Variants in KIAA0232 observed in about 807,000 individuals in gnomAD.
The protein encoded by KIAA0232 is uncharacterized protein KIAA0232.
Under a neutral mutation model 122.0 loss-of-function variants are expected in KIAA0232, and 27 were observed. That is an observed-to-expected ratio of 0.22 (90% confidence interval 0.16 to 0.31). The LOEUF is 0.31. Among genes scored for constraint, KIAA0232 ranks in the 10% least tolerant of loss-of-function variants. The probability of loss-of-function intolerance (pLI) is 1.00; values close to 1 mark genes in which losing one functional copy is unlikely to be tolerated. For missense variants in KIAA0232, 1,551 were observed against 1,634.2 expected, an observed-to-expected ratio of 0.95 and a Z score of 0.88; for synonymous variants, 613 against 587.6, an observed-to-expected ratio of 1.04 and a Z score of -0.63.
chr4:6,856,382 T>A (rs573589970), intron 4 of KIAA0232, among the ~76,000 whole-genome samples: 6 of 152,042 alleles, frequency 3.9e-5, no homozygotes, highest in East Asian at 1.9e-4. Flanking sequence ...TGTAAAAAAA[T>A]TTTTTTTTCT....
chr4:6,801,262 A>G (rs1423334192), intron 1 of KIAA0232, among the ~76,000 whole-genome samples: 2 of 152,214 alleles, frequency 1.3e-5, no homozygotes, highest in African/African-American at 2.4e-5. Context: ...ATTTAATTTT[A>G]ATTAATTAAA....
At chr4:6,833,413 T>C (rs1299400218) in intron 3 of KIAA0232, among the ~76,000 whole-genome samples, 1 of 152,018 alleles carries the variant, frequency 6.6e-6, no homozygotes, top group Non-Finnish European at 1.5e-5. Context: ...TGCTATTACT[T>C]GAGCCCAGGA....
chr4:6,830,730 A>G (rs2109065691), intron 3 of KIAA0232, among the ~76,000 whole-genome samples: 1 of 151,228 alleles, frequency 6.6e-6, no homozygotes, highest in South Asian at 2.1e-4. Context: ...CTCAAGCTTC[A>G]CCCCTACCCT....
chr4:6,830,842 C>A (rs1022199147), intron 3 of KIAA0232, among the ~76,000 whole-genome samples: 3 of 151,988 alleles, frequency 2.0e-5, no homozygotes, highest in Admixed American at 1.3e-4. Context: ...TGGAACTGTT[C>A]CTGACCTGAT....
In KIAA0232 at chr4:6,862,691, A is replaced by G; in HGVS notation, c.2309A>G (p.Asn770Ser). 1.2e-6 allele frequency: 2 copies of G among 1,610,958 alleles called. No individual in the cohort carries two copies. Among genetic ancestry groups the G allele is most frequent in the Non-Finnish European group, 8.5e-7 (1 of 1,179,198 alleles). Residue 770 changes from asparagine (N) to serine (S), a missense_variant, in exon 7 of 10, where the codon AAC becomes AGC. Transcript: ENST00000307659. Reference sequence around the variant, plus strand: ...TTGCAAGATGAAACTTGCCAGCAAAACAGTAGAACTTTAGGTGAGATTCCT... The same window carrying G: ...TTGCAAGATGAAACTTGCCAGCAAAGCAGTAGAACTTTAGGTGAGATTCCT... Reference protein sequence around the residue: ...DFLQDETCQQNSRTLGEIPTL... With the variant: ...DFLQDETCQQSSRTLGEIPTL...
intron 9 of KIAA0232, among the ~76,000 whole-genome samples, chr4:6,877,344 C>T (rs1275903504): frequency 6.6e-6 from 1 of 152,226 alleles, no homozygotes; most frequent in African/African-American, 2.4e-5. Context: ...GGGGCCTCCG[C>T]CTGGTTTAGT....
At chr4:6,853,027 T>A (rs1720377153) in intron 4 of KIAA0232, among the ~76,000 whole-genome samples, 1 of 152,176 alleles carries the variant, frequency 6.6e-6, no homozygotes, top group South Asian at 2.1e-4. Flanking sequence ...CTGGAGAGAT[T>A]AAGTAGACAG....
chr4:6,787,371 G>T (rs1389349297), intron 1 of KIAA0232, among the ~76,000 whole-genome samples: 1 of 152,124 alleles, frequency 6.6e-6, no homozygotes, highest in African/African-American at 2.4e-5. Flanking sequence ...TCTTGGCCGT[G>T]AACAAGTTTG....
intron 9 of KIAA0232, among the ~76,000 whole-genome samples, chr4:6,877,606 T>C (rs1449699654): frequency 6.6e-6 from 1 of 152,032 alleles, no homozygotes; most frequent in African/African-American, 2.4e-5. Flanking sequence ...ACTGAAGAAC[T>C]TGGAGTCCGA....
rs1720938573 is a variant in KIAA0232 at position 6,862,637 on chromosome 4, A to T, written c.2255A>T (p.Asn752Ile). 1 of 1,613,370 alleles carries T rather than the reference A, an allele frequency of 6.2e-7. No homozygotes were observed. ...INYVVPRVSS[N>I]YVDEELLDFL... ...TATGTAGTTCCTAGAGTCTCGTCAA[A>T]TTATGTAGATGAAGAACTTCTAGAT... The change falls in exon 7 of 10, where the codon AAT (asparagine) becomes ATT (isoleucine). Residue 752 changes from asparagine (N) to isoleucine (I), a missense_variant. Physicochemically the swap from Asn to Ile is moderately radical, Grantham distance 149 (BLOSUM62 -3). Transcript: ENST00000307659.
intron 1 of KIAA0232, among the ~76,000 whole-genome samples, chr4:6,802,968 GGCAACATACTGGGCATACTTGA>G (rs1257596900): frequency 2.0e-5 from 3 of 147,842 alleles, no homozygotes; most frequent in African/African-American, 5.0e-5. Context: ...GACCAGCCTA[GGCAACATACTGGGCATACTTGA>G]GCAACATACT....
chr4:6,879,047 C>T (rs1388635976), intron 9 of KIAA0232, among the ~76,000 whole-genome samples: 1 of 152,160 alleles, frequency 6.6e-6, no homozygotes, highest in Non-Finnish European at 1.5e-5. Flanking sequence ...CTGACCGTTC[C>T]CCGCTGTCAG....
Position 6,842,061 on chromosome 4 carries a change from T to C in KIAA0232, c.232-6T>C. On this transcript the variant is annotated splice_region_variant and splice_polypyrimidine_tract_variant and intron_variant, in intron 3 of 9. Transcript: ENST00000307659. ...GGTCATTTAACCTGGTGCAATTTCA[T>C]TGCAGGAGAATGACATCTTCCTGGG... 1 of 1,613,322 alleles carries C rather than the reference T, an allele frequency of 6.2e-7. No individual in the cohort carries two copies.
At chr4:6,784,636 C>G (rs755775567) in intron 1 of KIAA0232, among the ~76,000 whole-genome samples, 4 of 152,280 alleles carry the variant, frequency 2.6e-5, no homozygotes, top group Non-Finnish European at 4.4e-5. Flanking sequence ...AACTCAGATT[C>G]AATTGCTGTA....
rs1718562726 is a variant in KIAA0232, at chr4:6,824,237, A to C, written c.-217A>C. On this transcript the variant is annotated 5_prime_UTR_variant, in exon 3 of 10. Coordinates refer to ENST00000307659, the MANE Select transcript of KIAA0232 (RefSeq NM_014743.3). ...CAATGTGAAATTAAAGTAGAAAATC[A>C]CATCTACATGCATGTTGCTATCAGG... is the stretch of plus-strand genomic sequence containing the variant. 1 of 561,052 alleles carries C rather than the reference A, an allele frequency of 1.8e-6. No individual in the cohort carries two copies. Among genetic ancestry groups the C allele is most frequent in the African/African-American group, 1.9e-5 (1 of 53,542 alleles). 34.8% of individuals were successfully genotyped at this position (561,052 alleles called of 1,614,324 possible).
At chr4:6,795,013 G>T (rs998993296) in intron 1 of KIAA0232, among the ~76,000 whole-genome samples, 14 of 152,198 alleles carry the variant, frequency 9.2e-5, no homozygotes, top group Admixed American at 8.5e-4. Context: ...ATAATCATGG[G>T]ACTAGAAGAG....
intron 3 of KIAA0232, among the ~76,000 whole-genome samples, chr4:6,827,316 A>G (rs1019314940): frequency 6.6e-5 from 10 of 152,238 alleles, no homozygotes; most frequent in African/African-American, 2.4e-4. Flanking sequence ...TTCCCCAGGC[A>G]GAGAGGATGC....
intron 9 of KIAA0232, among the ~76,000 whole-genome samples, chr4:6,878,795 C>A (rs1386217661): frequency 6.6e-6 from 1 of 152,224 alleles, no homozygotes. Context: ...TCAGTATTAA[C>A]CATCTGTCAG....
intron 2 of KIAA0232, among the ~76,000 whole-genome samples, chr4:6,816,450 T>A (rs185964236): frequency 1.0e-3 from 156 of 152,058 alleles, no homozygotes; most frequent in African/African-American, 3.4e-3. Context: ...GCCTGGCTAA[T>A]TTTTTTGTAT....
Sources: gnomAD v4.1 joint callset for allele counts (sites outside exome capture counted in the v4.1 genomes callset) on GRCh38, gnomAD v4.1.1 for gene constraint, MANE v1.5 for transcripts, NCBI Gene and HGNC (gene_info 2026-07-23, HGNC 2026-07-21) for gene names.